The following NEU3 variants were observed in gnomAD, a reference collection of about 807,000 sequenced individuals.
The protein encoded by NEU3 is sialidase-3.
In NEU3, 10 loss-of-function variants were observed where a neutral mutation model predicts 11.4. The observed-to-expected ratio is 0.88, with a 90% CI of 0.54 to 1.49. The LOEUF (loss-of-function observed/expected upper bound fraction) is 1.49. NEU3 is among the 40% of genes most tolerant of loss of function. NEU3 has a pLI of 0.00. For synonymous variants in NEU3, 212 were observed against 228.2 expected, an observed-to-expected ratio of 0.93 and a Z score of 0.64; for missense variants, 529 against 581.8, an observed-to-expected ratio of 0.91 and a Z score of 0.93.
Position 75,006,690 on chromosome 11 carries a change from C to T in NEU3, c.*198C>T. ...GAGCACTGAACTAGGAGTTGGAAGACAAGGATGTGGTCCTGGCTCTGCCAC... is the reference window on the plus strand; with the variant it reads ...GAGCACTGAACTAGGAGTTGGAAGATAAGGATGTGGTCCTGGCTCTGCCAC... On this transcript the variant is annotated 3_prime_UTR_variant, in exon 3 of 3. Coordinates refer to ENST00000294064, the MANE Select transcript of NEU3 (RefSeq NM_006656.6). 1 of 601,708 alleles carries T rather than the reference C, an allele frequency of 1.7e-6. No homozygotes were observed. The highest frequency in any genetic ancestry group is 2.8e-6 in the Non-Finnish European group (1 of 358,112). The allele number at this position is 601,708 out of a possible 1,614,324, so 37.3% of individuals were successfully genotyped here.
chr11:74,986,408 TAATG>T (rs1948665582), upstream of NEU3, among the ~76,000 whole-genome samples: 1 of 152,214 alleles, frequency 6.6e-6, no homozygotes, highest in Non-Finnish European at 1.5e-5. Context: ...TTCCTTCTAT[TAATG>T]AAGGAAATAC....
At chr11:75,019,501 A>G (rs1690655228), downstream of NEU3, among the ~76,000 whole-genome samples, 1 of 152,228 alleles carries the variant, frequency 6.6e-6, no homozygotes, top group Admixed American at 6.5e-5. Context: ...GGGTGCAAAC[A>G]TCAAGCCTTG....
chr11:74,992,074 T>A (rs989336473), intron 1 of NEU3, among the ~76,000 whole-genome samples: 3 of 152,182 alleles, frequency 2.0e-5, no homozygotes, highest in African/African-American at 7.2e-5. Flanking sequence ...CCTTCCTGAT[T>A]GGATGATGTT....
Position 75,006,278 on chromosome 11 carries a change from C to G in NEU3, c.1172C>G (p.Ser391Cys), listed in dbSNP as rs750698043. The change falls in exon 3 of 3, where the codon TCC becomes TGC. Residue 391 changes from serine to cysteine, a missense_variant. Ser to Cys is a moderately radical substitution (Grantham distance 112). Coordinates refer to ENST00000294064, the MANE Select transcript of NEU3 (RefSeq NM_006656.6). The part of the protein sequence containing the change: ...NQTPLEAACW[S>C]RPWILHCGPC... ...ACCCCCTTGGAGGCTGCCTGCTGGT[C>G]CCGCCCCTGGATCTTGCACTGTGGG... 2 of 1,613,824 alleles carry G rather than the reference C, an allele frequency of 1.2e-6. No homozygotes were observed. Among genetic ancestry groups the G allele is most frequent in the South Asian group, 1.1e-5 (1 of 91,072 alleles).
intron 2 of NEU3, among the ~76,000 whole-genome samples, chr11:74,998,996 T>C (rs1176246511): frequency 2.6e-5 from 4 of 152,190 alleles, no homozygotes; most frequent in Admixed American, 2.0e-4. Context: ...TTTAATCCTA[T>C]TTTTTAGAGA....
upstream of NEU3, among the ~76,000 whole-genome samples, chr11:74,984,815 A>G (rs1179322259): frequency 6.6e-6 from 1 of 152,160 alleles, no homozygotes; most frequent in Non-Finnish European, 1.5e-5. Context: ...AGGAGGTGCA[A>G]AGTGCTATGG....
chr11:74,993,326 C>T (rs1948752142), intron 1 of NEU3, among the ~76,000 whole-genome samples: 1 of 152,188 alleles, frequency 6.6e-6, no homozygotes, highest in South Asian at 2.1e-4. Context: ...GCCTCAGCCT[C>T]CTGAGTAGCT....
rs1177247596 is a variant in NEU3 at position 75,010,827 on chromosome 11, G to A, written c.*4335G>A. 2.0e-5 allele frequency: 3 copies of A among 152,116 alleles called. No homozygotes were observed. Among genetic ancestry groups the A allele is most frequent in the Non-Finnish European group, 4.4e-5 (3 of 68,040 alleles). The allele number at this position is 152,116 out of a possible 1,614,324, so 9.4% of individuals were successfully genotyped here. On this transcript the variant is annotated 3_prime_UTR_variant, in exon 3 of 3. Transcript: ENST00000294064. ...CTGTGTCTTGGCTTTGTGATGCTGA[G>A]TGCCAGAAATACTCTGTACTATAAA...
the NEU3 span, among the ~76,000 whole-genome samples, chr11:74,982,222 G>A: frequency 2.6e-5 from 4 of 152,064 alleles, no homozygotes; most frequent in Middle Eastern, 3.2e-3. Flanking sequence ...ACACAAAGCC[G>A]TTCTCCTTAT....
In NEU3 at chr11:75,005,522, G is replaced by A. The variant is rs1319705519; in HGVS notation, c.416G>A (p.Cys139Tyr). ...KSGCVFLFFICVRGHVTERQQ... is the reference protein window; with the variant it reads ...KSGCVFLFFIYVRGHVTERQQ... ...GGTTGTGTGTTCCTGTTCTTCATCT[G>A]TGTGCGGGGCCATGTCACAGAGCGT... Residue 139 changes from cysteine (C) to tyrosine (Y), a missense_variant, in exon 3 of 3, where the codon TGT (cysteine) becomes TAT (tyrosine). Physicochemically the swap from Cys to Tyr is radical, Grantham distance 194. Coordinates refer to ENST00000294064, the MANE Select transcript of NEU3 (RefSeq NM_006656.6). The A allele has an allele frequency of 1.2e-6, 2 of 1,613,900 alleles. No individual in the cohort carries two copies. Among genetic ancestry groups the A allele is most frequent in the South Asian group, 1.1e-5 (1 of 91,084 alleles).
intron 2 of NEU3, among the ~76,000 whole-genome samples, chr11:74,996,781 C>T (rs1310916863): frequency 3.3e-5 from 5 of 152,194 alleles, no homozygotes; most frequent in African/African-American, 1.2e-4. Flanking sequence ...TGAAATGACT[C>T]CTTGATCCGT....
At chr11:74,996,567 A>C (rs1475124774) in intron 2 of NEU3, among the ~76,000 whole-genome samples, 1 of 152,192 alleles carries the variant, frequency 6.6e-6, no homozygotes, top group South Asian at 2.1e-4. Flanking sequence ...CCTCAAAATC[A>C]TGAGTATGGG....
In NEU3 at chr11:74,989,167, G is replaced by A. The variant is rs1948703611; in HGVS notation, c.94+13G>A. ...GGGTCCAGTGCAGGTGAGCGGGGTT[G>A]GGAGACAGGAGAGCTCCCCGAGGAG... On this transcript the variant is annotated intron_variant, in intron 1 of 2. Coordinates refer to ENST00000294064, the MANE Select transcript of NEU3 (RefSeq NM_006656.6). 1.3e-6 allele frequency: 2 copies of A among 1,548,346 alleles called. No individual in the cohort carries two copies. Among genetic ancestry groups the A allele is most frequent in the Non-Finnish European group, 1.7e-6 (2 of 1,144,468 alleles).
At chr11:75,004,650 A>G (rs898171658) in intron 2 of NEU3, among the ~76,000 whole-genome samples, 3 of 152,224 alleles carry the variant, frequency 2.0e-5, no homozygotes, top group African/African-American at 7.2e-5. Flanking sequence ...GGATGTTATT[A>G]AATTTTCCAT....
Position 75,008,557 on chromosome 11 carries a change from CT to C in NEU3, c.*2080del, listed in dbSNP as rs5792678. The C allele has an allele frequency of 0.82, 115,496 of 140,030 alleles. 47,493 individuals are homozygous for C. Among genetic ancestry groups the C allele is most frequent in the African/African-American group, 0.85 (31,968 of 37,716 alleles). The allele number at this position is 140,030 out of a possible 1,614,324, so 8.7% of individuals were successfully genotyped here. ...ATGAAAAGAATGAGAATATCAACTT[CT>C]TTTTTTTTTTTTTTGAGACAGAATC... On this transcript the variant is annotated 3_prime_UTR_variant, in exon 3 of 3. Transcript: ENST00000294064.
intron 2 of NEU3, among the ~76,000 whole-genome samples, chr11:74,997,450 A>T (rs1334585996): frequency 2.6e-5 from 4 of 152,154 alleles, no homozygotes; most frequent in Non-Finnish European, 5.9e-5. Context: ...GGCTGGTCTG[A>T]TCTTTTATCC....
chr11:75,019,506 G>T (rs1294457957), downstream of NEU3, among the ~76,000 whole-genome samples: 1 of 152,216 alleles, frequency 6.6e-6, no homozygotes, highest in Non-Finnish European at 1.5e-5. Context: ...CAAACATCAA[G>T]CCTTGGCAGC....
At chr11:75,016,342 G>A (rs946060454) in intron 3 of NEU3, among the ~76,000 whole-genome samples, 1 of 152,100 alleles carries the variant, frequency 6.6e-6, no homozygotes, top group East Asian at 1.9e-4. Context: ...TCCCCTAAGC[G>A]ACCCCAGATT....
chr11:75,004,086 G>A (rs546439019), intron 2 of NEU3, among the ~76,000 whole-genome samples: 1 of 152,254 alleles, frequency 6.6e-6, no homozygotes, highest in South Asian at 2.1e-4. Context: ...ATCTTAGGAT[G>A]AATTCCCAGA....
Sources: allele counts gnomAD v4.1 joint callset (sites outside exome capture counted in the v4.1 genomes callset), GRCh38; gene constraint gnomAD v4.1.1; transcripts MANE v1.5; gene names NCBI Gene and HGNC (gene_info 2026-07-23, HGNC 2026-07-21).